The following PHACTR1 variants were observed in gnomAD, a reference collection of about 807,000 sequenced individuals.
PHACTR1 encodes RPEL repeat containing 1.
In PHACTR1, 16 loss-of-function variants were observed where a neutral mutation model predicts 69.2. The ratio of observed to expected loss-of-function variants is 0.23; its 90% confidence interval spans 0.16 to 0.35. The LOEUF (loss-of-function observed/expected upper bound fraction) is 0.35, where lower values mean the gene tolerates loss of function less well. Among genes scored for constraint, PHACTR1 ranks in the 10% least tolerant of loss-of-function variants. The pLI is 1.00. For missense variants in PHACTR1, 510 were observed against 734.7 expected, an observed-to-expected ratio of 0.69 and a Z score of 3.54; for synonymous variants, 312 against 284.5, an observed-to-expected ratio of 1.10 and a Z score of -0.97.
chr6:12,750,729 G>A (rs2127596895), intron 4 of PHACTR1, among the ~76,000 whole-genome samples: 1 of 152,278 alleles, frequency 6.6e-6, no homozygotes, highest in South Asian at 2.1e-4. Context: ...CCTTACTCGT[G>A]TGTGGTCACT....
At chr6:13,158,863 C>T (rs1462596689) in intron 5 of PHACTR1, among the ~76,000 whole-genome samples, 1 of 152,214 alleles carries the variant, frequency 6.6e-6, no homozygotes, top group African/African-American at 2.4e-5. Context: ...CCGTTGAGGG[C>T]AGTGTGTGTT....
At chr6:13,213,612 TG>T in intron 8 of PHACTR1, among the ~76,000 whole-genome samples, 1 of 152,224 alleles carries the variant, frequency 6.6e-6, no homozygotes, top group East Asian at 1.9e-4. Context: ...TATTAACAAG[TG>T]GGGCTTTGAA....
At chr6:13,264,409 T>C (rs1038282882) in intron 10 of PHACTR1, among the ~76,000 whole-genome samples, 1 of 152,082 alleles carries the variant, frequency 6.6e-6, no homozygotes, top group African/African-American at 2.4e-5. Flanking sequence ...ACATGCCCCA[T>C]TTTCATCCAT....
intron 7 of PHACTR1, among the ~76,000 whole-genome samples, chr6:13,205,471 A>G (rs1458348025): frequency 6.6e-6 from 1 of 152,206 alleles, no homozygotes; most frequent in Non-Finnish European, 1.5e-5. Flanking sequence ...GGTTTCCTTG[A>G]CAGTCCATGG....
intron 8 of PHACTR1, among the ~76,000 whole-genome samples, chr6:13,210,365 A>G (rs541662102): frequency 2.0e-5 from 3 of 152,250 alleles, no homozygotes; most frequent in Admixed American, 2.0e-4. Context: ...GATGGCACTA[A>G]ACAATGGCGT....
intron 10 of PHACTR1, among the ~76,000 whole-genome samples, chr6:13,253,771 G>C (rs182177898): frequency 6.6e-6 from 1 of 152,176 alleles, no homozygotes; most frequent in Non-Finnish European, 1.5e-5. Flanking sequence ...CCTTTCCTGC[G>C]GGAGGTCAGC....
chr6:13,055,307 G>A (rs529057563), intron 5 of PHACTR1, among the ~76,000 whole-genome samples: 9 of 152,120 alleles, frequency 5.9e-5, no homozygotes, highest in South Asian at 2.1e-4. Flanking sequence ...TTAAGGTGTC[G>A]CAAAACCTGT....
At chr6:13,109,106 C>T (rs1816610140) in intron 5 of PHACTR1, among the ~76,000 whole-genome samples, 3 of 152,038 alleles carry the variant, frequency 2.0e-5, no homozygotes, top group African/African-American at 7.2e-5. Context: ...TTCCTCCTCA[C>T]TCCTTGTGCT....
intron 7 of PHACTR1, among the ~76,000 whole-genome samples, chr6:13,202,658 G>A (rs1368026654): frequency 6.6e-6 from 1 of 152,104 alleles, no homozygotes; most frequent in Non-Finnish European, 1.5e-5. Context: ...TGTATTTTTA[G>A]TAGAGACGGG....
At chr6:13,282,114 A>T (rs1780409114) in intron 12 of PHACTR1, among the ~76,000 whole-genome samples, 1 of 152,246 alleles carries the variant, frequency 6.6e-6, no homozygotes, top group Non-Finnish European at 1.5e-5. Flanking sequence ...TGCCTGTTGC[A>T]GAGTCGAAAC....
At chr6:13,203,116 ATC>A (rs894825673) in intron 7 of PHACTR1, among the ~76,000 whole-genome samples, 2 of 152,222 alleles carry the variant, frequency 1.3e-5, no homozygotes, top group Non-Finnish European at 2.9e-5. Context: ...TAAAATTGTA[ATC>A]TGTTTCAGGC....
chr6:12,919,179 A>G (rs563720579), intron 4 of PHACTR1, among the ~76,000 whole-genome samples: 73 of 151,822 alleles, frequency 4.8e-4, no homozygotes, highest in Non-Finnish European at 9.1e-4. Context: ...GTCTCACTCT[A>G]TTGCCCAGGC....
At chr6:12,823,453 G>C (rs1029034099) in intron 4 of PHACTR1, among the ~76,000 whole-genome samples, 1 of 152,114 alleles carries the variant, frequency 6.6e-6, no homozygotes, top group African/African-American at 2.4e-5. Context: ...AATAAGACTC[G>C]TGGAATTTTT....
intron 5 of PHACTR1, among the ~76,000 whole-genome samples, chr6:13,126,934 A>G (rs888857405): frequency 4.6e-5 from 7 of 152,244 alleles, no homozygotes; most frequent in African/African-American, 1.4e-4. Flanking sequence ...TTACATTGAT[A>G]TAAGACAGAA....
intron 4 of PHACTR1, among the ~76,000 whole-genome samples, chr6:12,949,140 C>T (rs1460797677): frequency 6.6e-6 from 1 of 151,942 alleles, no homozygotes; most frequent in Non-Finnish European, 1.5e-5. Context: ...TGTAGCAGTG[C>T]ATGCCTGTAA....
intron 5 of PHACTR1, among the ~76,000 whole-genome samples, chr6:13,073,284 G>A (rs1809834445): frequency 7.2e-6 from 1 of 139,544 alleles, no homozygotes; most frequent in Non-Finnish European, 1.5e-5. Context: ...AGTTCCCTAA[G>A]ATGAATTATA....
At chr6:13,184,764 A>G (rs576662079) in intron 7 of PHACTR1, 1 of 1,354,578 alleles carries the variant, frequency 7.4e-7, no homozygotes, top group African/African-American at 1.5e-5. Flanking sequence ...GCGTTTGTGT[A>G]ATGTCTCCTG....
At chr6:13,009,858 C>T (rs1799237831) in intron 4 of PHACTR1, among the ~76,000 whole-genome samples, 1 of 44,700 alleles carries the variant, frequency 2.2e-5, no homozygotes, top group Admixed American at 2.0e-4. Flanking sequence ...TCTCCCTACA[C>T]TGCCACCACC....
At chr6:12,832,131 T>C (rs866155950) in intron 4 of PHACTR1, among the ~76,000 whole-genome samples, 3 of 151,940 alleles carry the variant, frequency 2.0e-5, no homozygotes, top group African/African-American at 7.3e-5. Context: ...AAAGTAGACA[T>C]TGAAAAGGTT....
Sources: allele counts gnomAD v4.1 joint callset (sites outside exome capture counted in the v4.1 genomes callset), GRCh38; gene constraint gnomAD v4.1.1; transcripts MANE v1.5; gene names NCBI Gene and HGNC (gene_info 2026-07-23, HGNC 2026-07-21).